Variants in MELK observed in about 807,000 individuals in gnomAD.
The protein encoded by MELK is pEg3 kinase.
A neutral mutation model predicts 85.0 loss-of-function variants in MELK; 81 were observed. The observed-to-expected ratio is 0.95, with a 90% confidence interval of 0.80 to 1.15. MELK has a LOEUF of 1.15. Ranked by LOEUF, MELK falls within the 50% of genes most tolerant of loss-of-function variation. The pLI, the probability that MELK is intolerant of heterozygous loss-of-function variation, is 0.00. For missense variants in MELK, 754 were observed against 777.5 expected, an observed-to-expected ratio of 0.97 and a Z score of 0.36; for synonymous variants, 252 against 265.0, an observed-to-expected ratio of 0.95 and a Z score of 0.48.
At chr9:36,593,033 T>TA (rs1299961658) in intron 4 of MELK, among the ~76,000 whole-genome samples, 84 of 152,350 alleles carry the variant, frequency 5.5e-4, no homozygotes, top group Admixed American at 1.8e-3. Context: ...ATGATGTAAA[T>TA]GACTCATACA....
At chr9:36,642,418 CTTTTTTTTTT>C (rs34671966) in intron 10 of MELK, among the ~76,000 whole-genome samples, 13 of 84,788 alleles carry the variant, frequency 1.5e-4, no homozygotes, top group South Asian at 1.4e-3. Flanking sequence ...TACAACAGAA[CTTTTTTTTTT>C]TTTTTTTTTT....
chr9:36,606,303 AT>A (rs1205400805), intron 7 of MELK, among the ~76,000 whole-genome samples: 1 of 147,560 alleles, frequency 6.8e-6, no homozygotes, highest in Non-Finnish European at 1.5e-5. Context: ...TGTATATAAT[AT>A]ATACATATGT....
chr9:36,675,979 T>G (rs1433938837), intron 17 of MELK, among the ~76,000 whole-genome samples: 1 of 152,210 alleles, frequency 6.6e-6, no homozygotes. Flanking sequence ...CTCTCAGGCT[T>G]CATTAGAACA....
intron 14 of MELK, among the ~76,000 whole-genome samples, chr9:36,668,309 C>A (rs1169577810): frequency 2.0e-5 from 3 of 152,106 alleles, no homozygotes; most frequent in Non-Finnish European, 4.4e-5. Flanking sequence ...AGCCCCTAAT[C>A]TCTTTTAAAA....
chr9:36,597,730 G>A (rs934867218), intron 6 of MELK, among the ~76,000 whole-genome samples: 1 of 152,118 alleles, frequency 6.6e-6, no homozygotes, highest in Admixed American at 6.6e-5. Context: ...GAAACAATCC[G>A]CTTTCCTTTT....
intron 10 of MELK, among the ~76,000 whole-genome samples, chr9:36,639,452 AC>A (rs1434509471): frequency 6.6e-6 from 1 of 152,208 alleles, no homozygotes; most frequent in East Asian, 1.9e-4. Context: ...ATCGCCTCCT[AC>A]CATTTTCATA....
Position 36,607,638 on chromosome 9 carries a change from G to A in MELK, c.631G>A (p.Asp211Asn). 1.9e-6 allele frequency: 3 copies of A among 1,610,888 alleles called. No homozygotes were observed. Among genetic ancestry groups the A allele is most frequent in the Non-Finnish European group, 2.5e-6 (3 of 1,177,136 alleles). ...VLMCGFLPFD[D>N]DNVMALYKKI... Reference sequence around the variant, plus strand: ...TATGTGTGGATTTCTACCATTTGATGATGATAATGTAATGGCTTTATACAA... The same window carrying A: ...TATGTGTGGATTTCTACCATTTGATAATGATAATGTAATGGCTTTATACAA... Residue 211 changes from aspartate (D) to asparagine (N), a missense_variant, in exon 8 of 18, where the codon GAT becomes AAT. Transcript: ENST00000298048.
chr9:36,628,051 G>A (rs1828114421), intron 8 of MELK, among the ~76,000 whole-genome samples: 1 of 151,540 alleles, frequency 6.6e-6, no homozygotes. Context: ...ACAGACATGC[G>A]CCACCACGCC....
chr9:36,629,063 C>T (rs1364016945), intron 8 of MELK, among the ~76,000 whole-genome samples: 1 of 151,714 alleles, frequency 6.6e-6, no homozygotes, highest in East Asian at 1.9e-4. Context: ...AACAAGGTTT[C>T]CCTGTGTCAG....
intron 4 of MELK, 83 bp downstream of exon 4, chr9:36,589,735 T>G: frequency 9.8e-7 from 1 of 1,015,920 alleles, no homozygotes; most frequent in South Asian, 1.4e-5. Flanking sequence ...ACCTGAAAGA[T>G]TAGAAGAGAT....
chr9:36,589,338 C>A (rs1418308424), intron 3 of MELK, among the ~76,000 whole-genome samples, 198 bp from the exon 4 acceptor site: 2 of 152,012 alleles, frequency 1.3e-5, no homozygotes, highest in Non-Finnish European at 2.9e-5. Context: ...TTTAGTGAGA[C>A]AGGGTTTCAT....
intron 8 of MELK, among the ~76,000 whole-genome samples, chr9:36,615,471 G>C (rs1316958871): frequency 7.1e-6 from 1 of 140,774 alleles, no homozygotes; most frequent in Non-Finnish European, 1.5e-5. Flanking sequence ...TCCCGGATGG[G>C]GCGGCTGGCC....
intron 1 of MELK, among the ~76,000 whole-genome samples, chr9:36,581,243 C>T (rs1416835784): frequency 6.6e-6 from 1 of 151,974 alleles, no homozygotes; most frequent in Non-Finnish European, 1.5e-5. Context: ...CTATGTTGCC[C>T]AGGCTGGCCT....
rs59380521 is a variant in MELK, at chr9:36,641,602, A to ATTTT, written c.835-1377_835-1374dup. On this transcript the variant is annotated intron_variant, in intron 10 of 17. Coordinates refer to ENST00000298048, the MANE Select transcript of MELK (RefSeq NM_014791.4). ...CTCACTCGGGCTGCCATAAAGAGAG[A>ATTTT]TTTTTTTTTTTTTTTTTTTTTGGAG... is the stretch of plus-strand genomic sequence containing the variant. 9.1e-4 allele frequency among the ~76,000 whole-genome samples: 115 copies of ATTTT among 126,740 alleles called. 3 individuals carry two copies. The highest frequency in any genetic ancestry group is 3.2e-3 in the African/African-American group (109 of 34,376). 83.1% of individuals were successfully genotyped at this position (126,740 alleles called of 152,430 possible).
At chr9:36,668,506 A>G (rs1358137717) in intron 14 of MELK, among the ~76,000 whole-genome samples, 1 of 152,082 alleles carries the variant, frequency 6.6e-6, no homozygotes, top group Non-Finnish European at 1.5e-5. Context: ...AAAAATAATC[A>G]AAGCTTACAT....
intron 13 of MELK, among the ~76,000 whole-genome samples, chr9:36,663,493 C>G (rs7867040): frequency 0.86 from 130,388 of 152,182 alleles, 56,171 homozygotes; most frequent in Admixed American, 0.9. Context: ...ATGTACATCG[C>G]ACCCCTTAAG....
intron 1 of MELK, among the ~76,000 whole-genome samples, chr9:36,580,327 C>CT (rs929236204): frequency 3.6e-4 from 53 of 147,504 alleles, no homozygotes; most frequent in African/African-American, 1.1e-3. Context: ...CGCACCCGGC[C>CT]TTTTTTTTTG....
intron 7 of MELK, among the ~76,000 whole-genome samples, chr9:36,603,090 A>T (rs1158979581): frequency 6.6e-6 from 1 of 152,024 alleles, no homozygotes; most frequent in African/African-American, 2.4e-5. Context: ...TGCTGATTTG[A>T]GTGTATCTGG....
At chr9:36,582,666 C>T (rs761393732) in intron 2 of MELK, among the ~76,000 whole-genome samples, 3 of 152,046 alleles carry the variant, frequency 2.0e-5, no homozygotes, top group Non-Finnish European at 4.4e-5. Context: ...AGACATAGAC[C>T]GTTTCCAGGG....
Sources: allele counts gnomAD v4.1 joint callset (sites outside exome capture counted in the v4.1 genomes callset), GRCh38; gene constraint gnomAD v4.1.1; transcripts MANE v1.5; gene names NCBI Gene and HGNC (gene_info 2026-07-23, HGNC 2026-07-21).